The following FBXO4 variants were observed in gnomAD, a reference collection of about 807,000 sequenced individuals.
The protein encoded by FBXO4 is F-box protein 4.
FBXO4 carries 36 observed loss-of-function variants against 43.7 expected under a neutral mutation model. The ratio of observed to expected loss-of-function variants is 0.82; its 90% CI spans 0.63 to 1.09. The LOEUF is 1.09. Ranked by LOEUF, FBXO4 falls within the 50% of genes least tolerant of loss-of-function variation. The probability of loss-of-function intolerance (pLI) is 0.00; values close to 1 mark genes in which losing one functional copy is unlikely to be tolerated. For synonymous variants in FBXO4, 180 were observed against 165.6 expected, an observed-to-expected ratio of 1.09 and a Z score of -0.67; for missense variants, 435 against 474.1, an observed-to-expected ratio of 0.92 and a Z score of 0.77.
At chr5:41,944,844 A>G (rs1752054355), downstream of FBXO4, among the ~76,000 whole-genome samples, 1 of 152,234 alleles carries the variant, frequency 6.6e-6, no homozygotes, top group South Asian at 2.1e-4. Flanking sequence ...AGTTGATGAA[A>G]TGTAGTCCAC....
At chr5:42,030,133 G>C in the FBXO4 span, among the ~76,000 whole-genome samples, 1 of 152,068 alleles carries the variant, frequency 6.6e-6, no homozygotes, top group Non-Finnish European at 1.5e-5. Context: ...AACCAAAAAA[G>C]AGCCCACATC....
the FBXO4 span, among the ~76,000 whole-genome samples, chr5:42,012,756 G>A: frequency 6.6e-6 from 1 of 152,140 alleles, no homozygotes; most frequent in Non-Finnish European, 1.5e-5. Flanking sequence ...AAGGTCTCTA[G>A]ATCCAAATGG....
chr5:41,968,208 C>G, the FBXO4 span: 9 of 230,376 alleles, frequency 3.9e-5, no homozygotes, highest in African/African-American at 2.0e-4. Flanking sequence ...AAAAGCTTAG[C>G]TCATAAGAGC....
At chr5:41,981,335 G>A in the FBXO4 span, among the ~76,000 whole-genome samples, 1 of 151,644 alleles carries the variant, frequency 6.6e-6, no homozygotes, top group African/African-American at 2.4e-5. Flanking sequence ...GATTGATTAT[G>A]AAGTATTGCC....
At chr5:41,983,648 A>G in the FBXO4 span, among the ~76,000 whole-genome samples, 1 of 151,844 alleles carries the variant, frequency 6.6e-6, no homozygotes, top group Non-Finnish European at 1.5e-5. Context: ...TATCTGTGCT[A>G]TTTTGTTTAA....
Position 41,934,576 on chromosome 5 carries a change from T to C in FBXO4, c.898+268T>C. On this transcript the variant is annotated intron_variant, in intron 5 of 6. Transcript: ENST00000281623. ...GTTGTGTGAATCAGATTTGGGCATCTGTTTTTTCCAAGCACCCAGGGAATT... is the reference window on the plus strand; with the variant it reads ...GTTGTGTGAATCAGATTTGGGCATCCGTTTTTTCCAAGCACCCAGGGAATT... The C allele has an allele frequency of 3.7e-6, 5 of 1,333,460 alleles. No homozygotes were observed. The South Asian group carries it at 6.9e-5, about 18-fold the overall frequency. 82.6% of individuals were successfully genotyped at this position (1,333,460 alleles called of 1,614,324 possible).
chr5:41,985,407 A>G, the FBXO4 span, among the ~76,000 whole-genome samples: 1 of 152,362 alleles, frequency 6.6e-6, no homozygotes, highest in East Asian at 1.9e-4. Flanking sequence ...TAGGATTACA[A>G]GGCACAGGTA....
At chr5:42,030,795 A>G in the FBXO4 span, among the ~76,000 whole-genome samples, 1 of 152,226 alleles carries the variant, frequency 6.6e-6, no homozygotes, top group African/African-American at 2.4e-5. Context: ...AAAGTGGGTG[A>G]GGGATATGAA....
downstream of FBXO4, among the ~76,000 whole-genome samples, chr5:41,943,497 C>T (rs1320456726): frequency 6.6e-6 from 1 of 152,126 alleles, no homozygotes; most frequent in East Asian, 1.9e-4. Flanking sequence ...ATGTAAGCAT[C>T]TGCATAAGTA....
the FBXO4 span, among the ~76,000 whole-genome samples, chr5:42,026,357 G>A: frequency 6.6e-6 from 1 of 151,648 alleles, no homozygotes; most frequent in Non-Finnish European, 1.5e-5. Context: ...ATATAGAAAT[G>A]CCACACTGAT....
the FBXO4 span, among the ~76,000 whole-genome samples, chr5:41,987,424 T>C: frequency 3.9e-3 from 595 of 152,258 alleles, 8 homozygotes; most frequent in African/African-American, 0.014. Flanking sequence ...TACATATATC[T>C]ATTTTCAGTT....
the FBXO4 span, among the ~76,000 whole-genome samples, chr5:41,986,195 C>G: frequency 6.6e-6 from 1 of 152,096 alleles, no homozygotes; most frequent in Admixed American, 6.5e-5. Flanking sequence ...GCAGGTTCCA[C>G]CTACATTGTG....
chr5:41,978,496 T>C, the FBXO4 span, among the ~76,000 whole-genome samples: 2 of 152,206 alleles, frequency 1.3e-5, no homozygotes, highest in African/African-American at 4.8e-5. Context: ...ATAGAACCAC[T>C]TTAAACATTT....
chr5:41,955,348 TTC>T, the FBXO4 span, among the ~76,000 whole-genome samples: 1 of 152,192 alleles, frequency 6.6e-6, no homozygotes, highest in Non-Finnish European at 1.5e-5. Context: ...ATACAAAGAT[TTC>T]TGTTTCCAGT....
At chr5:41,994,466 C>A in the FBXO4 span, among the ~76,000 whole-genome samples, 1 of 152,190 alleles carries the variant, frequency 6.6e-6, no homozygotes, top group Non-Finnish European at 1.5e-5. Context: ...CAGCAAGCAC[C>A]TCAGCAGGTC....
chr5:41,944,879 A>C (rs6881206), downstream of FBXO4, among the ~76,000 whole-genome samples: 19 of 152,078 alleles, frequency 1.2e-4, no homozygotes, highest in Non-Finnish European at 2.2e-4. Context: ...TTCACTGGAC[A>C]GGAAACGAAA....
the FBXO4 span, among the ~76,000 whole-genome samples, chr5:42,010,363 C>A: frequency 6.6e-6 from 1 of 151,974 alleles, no homozygotes; most frequent in Non-Finnish European, 1.5e-5. Flanking sequence ...AAAAACTTAG[C>A]CGGGCATGGT....
chr5:41,959,283 T>A, the FBXO4 span, among the ~76,000 whole-genome samples: 1 of 152,208 alleles, frequency 6.6e-6, no homozygotes. Context: ...TTATATCTTT[T>A]GGATATTAAC....
downstream of FBXO4, among the ~76,000 whole-genome samples, chr5:41,945,721 A>G (rs895173200): frequency 6.6e-6 from 1 of 152,188 alleles, no homozygotes; most frequent in Non-Finnish European, 1.5e-5. Flanking sequence ...TGGATAAGAT[A>G]GGGCTATATC....
Sources: gnomAD v4.1 joint callset for allele counts (sites outside exome capture counted in the v4.1 genomes callset) on GRCh38, gnomAD v4.1.1 for gene constraint, MANE v1.5 for transcripts, NCBI Gene and HGNC (gene_info 2026-07-23, HGNC 2026-07-21) for gene names.